NSUN6: variants seen among roughly 807,000 people sequenced by gnomAD.
The protein encoded by NSUN6 is NOP2/Sun RNA methyltransferase 6.
NSUN6 carries 64 observed loss-of-function variants against 58.0 expected under a neutral mutation model. The ratio of observed to expected loss-of-function variants is 1.10; its 90% CI spans 0.90 to 1.36. The LOEUF (loss-of-function observed/expected upper bound fraction) is 1.36, where lower values mean the gene tolerates loss of function less well. Ranked by LOEUF, NSUN6 falls within the 40% of genes most tolerant of loss-of-function variation. The pLI, the probability that NSUN6 is intolerant of heterozygous loss-of-function variation, is 0.00. For synonymous variants in NSUN6, 231 were observed against 193.9 expected, an observed-to-expected ratio of 1.19 and a Z score of -1.59; for missense variants, 701 against 550.1, an observed-to-expected ratio of 1.27 and a Z score of -2.74.
chr10:18,613,165 A>T (rs569219631), intron 5 of NSUN6, among the ~76,000 whole-genome samples: 1 of 152,050 alleles, frequency 6.6e-6, no homozygotes, highest in South Asian at 2.1e-4. Context: ...GCAGTGGTGC[A>T]ATCTTGGGCT....
chr10:18,634,119 C>T (rs1338127853), intron 3 of NSUN6, among the ~76,000 whole-genome samples: 1 of 152,152 alleles, frequency 6.6e-6, no homozygotes, highest in Non-Finnish European at 1.5e-5. Context: ...ATTGGTGGCA[C>T]ACACATACAC....
intron 1 of NSUN6, 148 bp from the exon 2 acceptor site, chr10:18,648,793 T>G (rs3740104): frequency 0.19 from 96,569 of 509,254 alleles, 10,407 homozygotes; most frequent in Admixed American, 0.3. Flanking sequence ...TAATAGCAAC[T>G]AAGGAAATAG....
intron 3 of NSUN6, among the ~76,000 whole-genome samples, chr10:18,628,496 G>A (rs2058908683): frequency 1.3e-5 from 2 of 152,112 alleles, no homozygotes; most frequent in Admixed American, 6.5e-5. Flanking sequence ...CATTGAAGTT[G>A]AAAACTTTGA....
intron 8 of NSUN6, among the ~76,000 whole-genome samples, chr10:18,576,605 A>G (rs4748491): frequency 0.61 from 92,932 of 152,046 alleles, 28,837 homozygotes; most frequent in East Asian, 0.97. Flanking sequence ...GACACCCTGC[A>G]GGTCAGCCCC....
chr10:18,607,771 G>A lies in NSUN6; in HGVS notation c.657+2074C>T, dbSNP rs539825567. 2.0e-5 allele frequency among the ~76,000 whole-genome samples: 3 copies of A among 152,316 alleles called. 1 individual carries two copies. The South Asian group carries it at 6.2e-4, about 32-fold the overall frequency. ...TACAGGCTTGAAATCAGAAAGACCT[G>A]AATGCAAATTTTGACTCTGCAAATT... On this transcript the variant is annotated intron_variant, in intron 6 of 10. Coordinates refer to ENST00000377304, the MANE Select transcript of NSUN6 (RefSeq NM_182543.5).
chr10:18,602,358 C>G (rs533804122), intron 6 of NSUN6, among the ~76,000 whole-genome samples: 1 of 152,126 alleles, frequency 6.6e-6, no homozygotes, highest in African/African-American at 2.4e-5. Context: ...ATTCTCCTGC[C>G]TCAGCCTCCC....
In NSUN6 at chr10:18,642,398, T is replaced by C; in HGVS notation, c.311+78A>G. 8.1e-6 allele frequency: 6 copies of C among 740,282 alleles called. No individual in the cohort carries two copies. The South Asian group carries it at 9.5e-5, about 12-fold the overall frequency. The allele number at this position is 740,282 out of a possible 1,614,324, so 45.9% of individuals were successfully genotyped here. On this transcript the variant is annotated intron_variant, in intron 3 of 10. Transcript: ENST00000377304. Reference sequence around the variant, plus strand: ...CTAACAATGGAGAAACTTAGTATTATCACTGAACAATTAAAAAGCTCCCTG... The same window carrying C: ...CTAACAATGGAGAAACTTAGTATTACCACTGAACAATTAAAAAGCTCCCTG...
chr10:18,618,682 CAAAAAAAAA>C (rs35116933), intron 3 of NSUN6, among the ~76,000 whole-genome samples: 2 of 51,476 alleles, frequency 3.9e-5, no homozygotes, highest in African/African-American at 6.9e-5. Context: ...AACTCCATCT[CAAAAAAAAA>C]AAAAAAAAAA....
chr10:18,610,432 C>A lies in NSUN6; in HGVS notation c.576-506G>T, dbSNP rs576775769. Among the ~76,000 whole-genome samples, 108 of 152,224 alleles carry A rather than the reference C, an allele frequency of 7.1e-4. 2 individuals carry two copies. Among genetic ancestry groups the A allele is most frequent in the African/African-American group, 2.4e-3 (99 of 41,538 alleles). On this transcript the variant is annotated intron_variant, in intron 5 of 10. Coordinates refer to ENST00000377304, the MANE Select transcript of NSUN6 (RefSeq NM_182543.5). Reference sequence around the variant, plus strand: ...TTTTTGAATTTTTACCTGCAGAATACGAAGCCATCAGAACTAAAAAGGAAA... The same window carrying A: ...TTTTTGAATTTTTACCTGCAGAATAAGAAGCCATCAGAACTAAAAAGGAAA...
At chr10:18,637,298 C>A (rs535282539) in intron 3 of NSUN6, among the ~76,000 whole-genome samples, 1 of 152,158 alleles carries the variant, frequency 6.6e-6, no homozygotes, top group African/African-American at 2.4e-5. Flanking sequence ...TGTGAATTTA[C>A]AATCCTAAAT....
chr10:18,589,129 G>T (rs1051436984), intron 7 of NSUN6, among the ~76,000 whole-genome samples: 1 of 152,268 alleles, frequency 6.6e-6, no homozygotes, highest in South Asian at 2.1e-4. Flanking sequence ...GCATACACAA[G>T]TATCAATAGA....
At chr10:18,589,621 A>T (rs1207781311) in intron 7 of NSUN6, among the ~76,000 whole-genome samples, 3 of 152,242 alleles carry the variant, frequency 2.0e-5, no homozygotes, top group African/African-American at 7.2e-5. Flanking sequence ...CTTAAATAAA[A>T]GAATTTTCAA....
intron 7 of NSUN6, among the ~76,000 whole-genome samples, chr10:18,590,435 C>A (rs2131157001): frequency 6.6e-6 from 1 of 152,306 alleles, no homozygotes; most frequent in Middle Eastern, 3.4e-3. Context: ...CTCTCTACCC[C>A]ACATCAACAG....
chr10:18,565,366 C>T (rs2055848243), intron 8 of NSUN6, among the ~76,000 whole-genome samples: 1 of 149,718 alleles, frequency 6.7e-6, no homozygotes, highest in African/African-American at 2.4e-5. Context: ...CCCTTCCACT[C>T]TCCATTTCAT....
intron 6 of NSUN6, among the ~76,000 whole-genome samples, chr10:18,597,931 C>T (rs1331192791): frequency 6.6e-6 from 1 of 152,088 alleles, no homozygotes. Flanking sequence ...GCATTAAAAT[C>T]AATGCAAACA....
chr10:18,599,282 G>C (rs189321603), intron 6 of NSUN6, among the ~76,000 whole-genome samples: 4 of 152,102 alleles, frequency 2.6e-5, no homozygotes. Context: ...CATTGAGATG[G>C]GGTTGCAGTA....
rs2055429532 is a variant in NSUN6, at chr10:18,560,695, TGGAATGGAATGCAATGA to T, written c.923-8741_923-8725del. ...ATGGAATGGAGAATGGAATGGAATG[TGGAATGGAATGCAATGA>T]GGAATGGAATGGAATGGAGAATGGA... On this transcript the variant is annotated intron_variant, in intron 8 of 10. Transcript: ENST00000377304. Among the ~76,000 whole-genome samples the T allele has an allele frequency of 3.0e-5, 4 of 133,468 alleles. No homozygotes were observed. The South Asian group carries it at 9.6e-4, about 32-fold the overall frequency. The allele number at this position is 133,468 out of a possible 152,430, so 87.6% of individuals were successfully genotyped here. A position where few individuals can be genotyped will look rare whatever the true frequency, so the allele number is the denominator to read the frequency against.
intron 3 of NSUN6, among the ~76,000 whole-genome samples, chr10:18,631,844 G>C (rs2059042128): frequency 6.6e-6 from 1 of 152,208 alleles, no homozygotes; most frequent in African/African-American, 2.4e-5. Context: ...GTAATTTGTA[G>C]ATTCAATGCC....
At chr10:18,556,764 AAGAATGGAATGGAAGGT>A (rs1040852337) in intron 8 of NSUN6, among the ~76,000 whole-genome samples, 3 of 149,528 alleles carry the variant, frequency 2.0e-5, no homozygotes, top group Admixed American at 6.7e-5. Context: ...GTATGGAATG[AAGAATGGAATGGAAGGT>A]AGAATGGAAT....
Sources: gnomAD v4.1 joint callset for allele counts (sites outside exome capture counted in the v4.1 genomes callset) on GRCh38, gnomAD v4.1.1 for gene constraint, MANE v1.5 for transcripts, NCBI Gene and HGNC (gene_info 2026-07-23, HGNC 2026-07-21) for gene names.